The following EYS variants were observed in gnomAD, a reference collection of about 807,000 sequenced individuals.
EYS encodes the protein EGF-like photoreceptor maintenance factor, also known as protein eyes shut homolog.
Under a neutral mutation model 282.1 loss-of-function variants are expected in EYS, and 250 were observed. The observed-to-expected ratio is 0.89, with a 90% CI of 0.80 to 0.98. The LOEUF (loss-of-function observed/expected upper bound fraction) is 0.98, where lower values mean the gene tolerates loss of function less well. Among genes scored for constraint, EYS ranks in the 50% least tolerant of loss-of-function variants. The pLI is 0.00. For missense variants in EYS, 4,016 were observed against 3,709.0 expected (o/e 1.08, Z -2.15); for synonymous variants, 1,355 against 1,282.9 (o/e 1.06, Z -1.20).
chr6:64,738,272 G>A (rs1333892185), intron 22 of EYS, among the ~76,000 whole-genome samples: 1 of 152,140 alleles, frequency 6.6e-6, no homozygotes, highest in Non-Finnish European at 1.5e-5. Context: ...TAATGAATGT[G>A]TTCTCACTCT....
chr6:64,302,125 C>T lies in EYS; in HGVS notation c.6191+4845G>A, dbSNP rs1477112676. 2.6e-5 allele frequency among the ~76,000 whole-genome samples: 4 copies of T among 152,324 alleles called. No homozygotes were observed. The South Asian group carries it at 8.3e-4, about 32-fold the overall frequency. On this transcript the variant is annotated intron_variant, in intron 30 of 42. Transcript: ENST00000503581. ...CACATTCGAGCCCACAGCTCACTGC[C>T]CGGTTTATTGGCTTATGGCAATGAT...
intron 26 of EYS, among the ~76,000 whole-genome samples, chr6:64,541,484 A>G (rs1764694496): frequency 6.6e-6 from 1 of 152,150 alleles, no homozygotes; most frequent in Non-Finnish European, 1.5e-5. Flanking sequence ...TGCCACCACT[A>G]CTGTGCTCTT....
At chr6:65,347,811 C>G (rs753197276) in intron 9 of EYS, among the ~76,000 whole-genome samples, 6 of 151,506 alleles carry the variant, frequency 4.0e-5, no homozygotes, top group Non-Finnish European at 7.4e-5. Flanking sequence ...CTATCAGATA[C>G]TAGATCTTAC....
chr6:65,589,203 A>C (rs1483184207), intron 2 of EYS, among the ~76,000 whole-genome samples: 1 of 151,998 alleles, frequency 6.6e-6, no homozygotes, highest in Admixed American at 6.6e-5. Context: ...CAAGATCCTA[A>C]GCAGAGCATT....
intron 12 of EYS, among the ~76,000 whole-genome samples, chr6:65,110,624 CTTT>C (rs973497373): frequency 6.6e-6 from 1 of 151,334 alleles, no homozygotes; most frequent in African/African-American, 2.4e-5. Flanking sequence ...CTCTCTGTGG[CTTT>C]TTTTTAAGCC....
intron 12 of EYS, among the ~76,000 whole-genome samples, chr6:65,144,178 A>G (rs1334099678): frequency 6.6e-6 from 1 of 152,102 alleles, no homozygotes; most frequent in Non-Finnish European, 1.5e-5. Flanking sequence ...GAAGAGACAT[A>G]TTTCAGCTTT....
chr6:64,776,245 T>A (rs1773673223), intron 22 of EYS, among the ~76,000 whole-genome samples: 1 of 152,120 alleles, frequency 6.6e-6, no homozygotes, highest in African/African-American at 2.4e-5. Flanking sequence ...AACCTGTTTT[T>A]CTGGCCAGAT....
intron 13 of EYS, among the ~76,000 whole-genome samples, chr6:65,004,028 T>A (rs541565385): frequency 6.8e-6 from 1 of 147,124 alleles, no homozygotes; most frequent in African/African-American, 2.4e-5. Context: ...TTTTCCTCTA[T>A]AAATTTATAT....
rs533972937 is a variant in EYS at position 64,191,366 on chromosome 6, T to A, written c.6424+39226A>T. ...TATTATTATACTTTAAGTTTTAGGG[T>A]ACATGTGCACAATGTGCAGGTTAGT... On this transcript the variant is annotated intron_variant, in intron 31 of 42. Transcript: ENST00000503581. Among the ~76,000 whole-genome samples, 6 of 152,228 alleles carry A rather than the reference T, an allele frequency of 3.9e-5. No homozygotes were observed. The South Asian group carries it at 1.2e-3, about 32-fold the overall frequency.
intron 19 of EYS, among the ~76,000 whole-genome samples, chr6:64,859,242 T>C (rs1247469092): frequency 6.8e-6 from 1 of 147,810 alleles, no homozygotes; most frequent in Non-Finnish European, 1.5e-5. Flanking sequence ...ATTTATTAAA[T>C]ATATTAATAT....
chr6:65,136,485 G>T (rs1470062006), intron 12 of EYS, among the ~76,000 whole-genome samples: 1 of 151,904 alleles, frequency 6.6e-6, no homozygotes, highest in Non-Finnish European at 1.5e-5. Flanking sequence ...AAACACTTCA[G>T]ATATGTGATA....
At chr6:64,538,057 A>G (rs1201287290) in intron 26 of EYS, among the ~76,000 whole-genome samples, 1 of 147,586 alleles carries the variant, frequency 6.8e-6, no homozygotes, top group East Asian at 1.9e-4. Context: ...CTAAGTGTAT[A>G]GCTAGGATGC....
intron 14 of EYS, among the ~76,000 whole-genome samples, chr6:64,976,022 C>G (rs1319126424): frequency 2.6e-5 from 4 of 151,194 alleles, no homozygotes; most frequent in African/African-American, 9.8e-5. Flanking sequence ...ACTAGTTTGA[C>G]TGAAAATATT....
chr6:65,609,336 C>CAAAAA (rs34304600), intron 2 of EYS, among the ~76,000 whole-genome samples: 3 of 143,058 alleles, frequency 2.1e-5, no homozygotes, highest in African/African-American at 7.7e-5. Context: ...CCAAGATAGC[C>CAAAAA]AAAAAAAAAA....
rs552612664 is a variant in EYS at position 64,438,591 on chromosome 6, T to C, written c.5835+571A>G. 9.9e-5 allele frequency among the ~76,000 whole-genome samples: 15 copies of C among 151,674 alleles called. No homozygotes were observed. In the East Asian group the frequency reaches 1.9e-3, roughly 20 times the overall value. On this transcript the variant is annotated intron_variant, in intron 27 of 42. Transcript: ENST00000503581. ...ATAAAAATGGTAACAATTATTATCA[T>C]TGAGAAATTAAGAAATTGGGAAACT... is the stretch of plus-strand genomic sequence containing the variant.
At chr6:64,107,285 T>TTATATATATATATATATATATTTA (rs1773054192) in intron 31 of EYS, among the ~76,000 whole-genome samples, 1 of 101,502 alleles carries the variant, frequency 9.9e-6, no homozygotes, top group Non-Finnish European at 2.0e-5. Context: ...ATATATATAT[T>TTATATATATATATATATATATTTA]TATATATATA....
Position 63,829,549 on chromosome 6 carries a change from A to G in EYS, c.7229-23177T>C, listed in dbSNP as rs556113800. On this transcript the variant is annotated intron_variant, in intron 36 of 42. Transcript: ENST00000503581. The stretch of plus-strand genomic sequence containing the variant: ...CACCATTGCTGAGGCTTGAGTAGGT[A>G]AACAAAGCAGCTGGGAAGCTCAAAC... 5.9e-5 allele frequency among the ~76,000 whole-genome samples: 9 copies of G among 152,308 alleles called. No individual in the cohort carries two copies. The South Asian group carries it at 1.9e-3, about 32-fold the overall frequency.
At chr6:65,416,989 C>T (rs1767265941) in intron 5 of EYS, among the ~76,000 whole-genome samples, 1 of 151,916 alleles carries the variant, frequency 6.6e-6, no homozygotes, top group Non-Finnish European at 1.5e-5. Context: ...TTTGCCAAGA[C>T]AAAGAATTGC....
At chr6:65,255,226 A>T (rs916463753) in intron 12 of EYS, among the ~76,000 whole-genome samples, 1 of 152,014 alleles carries the variant, frequency 6.6e-6, no homozygotes, top group Non-Finnish European at 1.5e-5. Context: ...AAATCCATAC[A>T]TCTATAATAA....
Sources: allele counts gnomAD v4.1 joint callset (sites outside exome capture counted in the v4.1 genomes callset), GRCh38; gene constraint gnomAD v4.1.1; transcripts MANE v1.5; gene names NCBI Gene and HGNC (gene_info 2026-07-23, HGNC 2026-07-21).